TAF4: variants seen among roughly 807,000 people sequenced by gnomAD.
TAF4 encodes TATA-box binding protein associated factor 4, also known as transcription initiation factor TFIID subunit 4.
TAF4 carries 9 observed loss-of-function variants against 90.3 expected under a neutral mutation model. That is an observed-to-expected ratio of 0.10 (90% CI 0.06 to 0.17). TAF4 has a LOEUF of 0.17. Among genes scored for constraint, TAF4 ranks in the 10% least tolerant of loss-of-function variants. TAF4 has a pLI of 1.00. For synonymous variants in TAF4, 818 were observed against 638.9 expected (o/e 1.28, Z -4.23); for missense variants, 1,351 against 1,370.7 (o/e 0.99, Z 0.23).
At chr20:62,043,682 C>A (rs1329379592) in intron 1 of TAF4, among the ~76,000 whole-genome samples, 3 of 152,212 alleles carry the variant, frequency 2.0e-5, no homozygotes, top group Admixed American at 6.5e-5. Flanking sequence ...CACAAACTCA[C>A]TATCGTGTTA....
At chr20:62,029,355 T>C (rs888431513) in intron 1 of TAF4, among the ~76,000 whole-genome samples, 3 of 152,148 alleles carry the variant, frequency 2.0e-5, no homozygotes, top group Admixed American at 6.5e-5. Flanking sequence ...TAATCTCCAC[T>C]TGGGGGCGGT....
intron 3 of TAF4, among the ~76,000 whole-genome samples, chr20:62,011,293 C>T (rs376277677): frequency 5.3e-5 from 8 of 152,152 alleles, no homozygotes; most frequent in Non-Finnish European, 1.0e-4. Context: ...CCTGGGAGTA[C>T]CCAGGACCCA....
chr20:62,030,970 A>C (rs917653413), intron 1 of TAF4, among the ~76,000 whole-genome samples: 1 of 152,184 alleles, frequency 6.6e-6, no homozygotes, highest in Non-Finnish European at 1.5e-5. Context: ...GAAATGCCTG[A>C]GTCTATTTGA....
At chr20:62,050,063 G>T (rs1035772826) in intron 1 of TAF4, among the ~76,000 whole-genome samples, 4 of 152,166 alleles carry the variant, frequency 2.6e-5, no homozygotes, top group Admixed American at 1.3e-4. Context: ...CGCTGGAGTT[G>T]TAAGTACTCA....
intron 14 of TAF4, among the ~76,000 whole-genome samples, chr20:61,988,865 G>C (rs765137423): frequency 6.6e-6 from 1 of 152,106 alleles, no homozygotes; most frequent in African/African-American, 2.4e-5. Context: ...GGACGCACGA[G>C]CTCCCTTACT....
chr20:61,998,261 T>TA (rs775844688), intron 12 of TAF4, 69 bp from the exon 13 acceptor site: 1 of 1,506,214 alleles, frequency 6.6e-7, no homozygotes, highest in Non-Finnish European at 9.1e-7. Flanking sequence ...ACAAATGTGT[T>TA]ATCTTATTTA....
At chr20:62,042,019 C>A (rs1441270400) in intron 1 of TAF4, among the ~76,000 whole-genome samples, 1 of 152,052 alleles carries the variant, frequency 6.6e-6, no homozygotes, top group African/African-American at 2.4e-5. Flanking sequence ...GGGCAATTTC[C>A]CAGCAAAGGC....
intron 14 of TAF4, among the ~76,000 whole-genome samples, 195 bp downstream of exon 14, chr20:61,997,355 C>T (rs2055669493): frequency 6.6e-6 from 1 of 152,220 alleles, no homozygotes; most frequent in East Asian, 1.9e-4. Context: ...AGACTTTCAG[C>T]TCAAGTGATA....
intron 8 of TAF4, 71 bp from the exon 9 acceptor site, chr20:62,003,345 C>T (rs2055719954): frequency 2.3e-6 from 3 of 1,289,716 alleles, no homozygotes; most frequent in Non-Finnish European, 3.4e-6. Context: ...TGGTGCTTTA[C>T]AGGCTCAAGG....
intron 1 of TAF4, among the ~76,000 whole-genome samples, chr20:62,057,068 C>T (rs2056068882): frequency 6.6e-6 from 1 of 152,126 alleles, no homozygotes; most frequent in South Asian, 2.1e-4. Context: ...CACAGAACTT[C>T]CTTTAAAAAC....
At chr20:62,055,846 C>A (rs1488338367) in intron 1 of TAF4, among the ~76,000 whole-genome samples, 4 of 152,202 alleles carry the variant, frequency 2.6e-5, no homozygotes, top group Non-Finnish European at 4.4e-5. Flanking sequence ...ACAACGGACA[C>A]ACCATGAAAG....
intron 1 of TAF4, among the ~76,000 whole-genome samples, chr20:62,054,328 ACT>A (rs1296942901): frequency 6.6e-6 from 1 of 151,714 alleles, no homozygotes; most frequent in East Asian, 1.9e-4. Context: ...GTGGAAGGGG[ACT>A]CTCTTCCAGG....
At chr20:61,990,381 G>A (rs188909955) in intron 14 of TAF4, among the ~76,000 whole-genome samples, 7 of 152,292 alleles carry the variant, frequency 4.6e-5, no homozygotes, top group East Asian at 3.9e-4. Context: ...TCTGGAAGAC[G>A]ATGACAGGGG....
In TAF4 at chr20:62,033,959, G is replaced by A. The variant is rs2055918395; in HGVS notation, c.1361-19252C>T. ...TGGGAGGCTGAGGCAGGAGAATGGC[G>A]TGAACCCGTGAGGCAGAGCTTGCAG... On this transcript the variant is annotated intron_variant, in intron 1 of 14. Coordinates refer to ENST00000252996, the MANE Select transcript of TAF4 (RefSeq NM_003185.4). Among the ~76,000 whole-genome samples, 4 of 149,180 alleles carry A rather than the reference G, an allele frequency of 2.7e-5. No individual in the cohort carries two copies. The South Asian group carries it at 6.4e-4, about 24-fold the overall frequency.
chr20:61,979,966 C>T (rs888644687), intron 14 of TAF4, among the ~76,000 whole-genome samples: 4 of 152,250 alleles, frequency 2.6e-5, no homozygotes, highest in Non-Finnish European at 4.4e-5. Context: ...CCACAAGGGC[C>T]GGCACCAACA....
intron 1 of TAF4, among the ~76,000 whole-genome samples, chr20:62,032,451 G>C (rs2055909571): frequency 6.6e-6 from 1 of 152,232 alleles, no homozygotes; most frequent in Non-Finnish European, 1.5e-5. Context: ...AGACCAATCT[G>C]AGAGTGCCAG....
intron 1 of TAF4, chr20:62,064,200 C>A (rs1252726539): frequency 1.0e-5 from 4 of 400,712 alleles, no homozygotes; most frequent in Admixed American, 9.0e-5. Context: ...AGACCAGCCC[C>A]AGGCACAGGC....
At chr20:62,001,476 C>A (rs911152394) in intron 9 of TAF4, among the ~76,000 whole-genome samples, 1 of 152,236 alleles carries the variant, frequency 6.6e-6, no homozygotes, top group African/African-American at 2.4e-5. Context: ...GAGATGTGAG[C>A]TAAGAGTCCT....
At chr20:62,029,904 C>CAA (rs201593791) in intron 1 of TAF4, among the ~76,000 whole-genome samples, 18 of 151,102 alleles carry the variant, frequency 1.2e-4, no homozygotes, top group African/African-American at 4.4e-4. Flanking sequence ...GACTCCGTCT[C>CAA]AAAAAAAACA....
Sources: allele counts gnomAD v4.1 joint callset (sites outside exome capture counted in the v4.1 genomes callset), GRCh38; gene constraint gnomAD v4.1.1; transcripts MANE v1.5; gene names NCBI Gene and HGNC (gene_info 2026-07-23, HGNC 2026-07-21).